PPFIA1: variants seen among roughly 807,000 people sequenced by gnomAD.
PPFIA1 encodes PPFI scaffold protein A1, also known as liprin-alpha-1.
In PPFIA1, 25 loss-of-function variants were observed where a neutral mutation model predicts 149.9. The observed-to-expected ratio is 0.17, with a 90% CI of 0.12 to 0.23. The LOEUF (loss-of-function observed/expected upper bound fraction) is 0.23. Among genes scored for constraint, PPFIA1 ranks in the 10% least tolerant of loss-of-function variants. PPFIA1 has a pLI of 1.00. For missense variants in PPFIA1, 1,362 were observed against 1,506.5 expected, an observed-to-expected ratio of 0.90 and a Z score of 1.59; for synonymous variants, 549 against 552.8, an observed-to-expected ratio of 0.99 and a Z score of 0.10.
chr11:70,307,320 C>A (rs1394510158), intron 2 of PPFIA1, among the ~76,000 whole-genome samples: 3 of 152,184 alleles, frequency 2.0e-5, no homozygotes, highest in Non-Finnish European at 2.9e-5. Context: ...GGAACATAAA[C>A]CTCATCAGTA....
Position 70,339,136 on chromosome 11 carries a change from T to A in PPFIA1, c.1572-35T>A, listed in dbSNP as rs748244742. Reference sequence around the variant, plus strand: ...TAAAAGAGAGTTTATTTTCTTTTCTTCTAATAATGATCATTCTTATTTTTC... The same window carrying A: ...TAAAAGAGAGTTTATTTTCTTTTCTACTAATAATGATCATTCTTATTTTTC... On this transcript the variant is annotated intron_variant, in intron 13 of 27. Transcript: ENST00000253925. The A allele has an allele frequency of 1.9e-6, 3 of 1,609,974 alleles. No homozygotes were observed. In the Admixed American group the frequency reaches 5.1e-5, roughly 27 times the overall value.
In PPFIA1 at chr11:70,362,014, G is replaced by T. The variant is rs566817656; in HGVS notation, c.2583-81G>T. The T allele has an allele frequency of 1.0e-4, 133 of 1,316,524 alleles. No individual in the cohort carries two copies. The South Asian group carries it at 1.6e-3, about 15-fold the overall frequency. 81.6% of individuals were successfully genotyped at this position (1,316,524 alleles called of 1,614,324 possible). ...GGGCTCAAGTGGTCCTCCTGCCTTGGCCTCCCAGAGAGCTGGGATTACAGG... is the reference window on the plus strand; with the variant it reads ...GGGCTCAAGTGGTCCTCCTGCCTTGTCCTCCCAGAGAGCTGGGATTACAGG... On this transcript the variant is annotated intron_variant, in intron 19 of 27. Coordinates refer to ENST00000253925, the MANE Select transcript of PPFIA1 (RefSeq NM_003626.5).
chr11:70,351,074 A>C, intron 16 of PPFIA1: 3 of 999,836 alleles, frequency 3.0e-6, no homozygotes, highest in South Asian at 1.7e-5. Flanking sequence ...AATGTATTGA[A>C]GAGTACCTAT....
At position 70,272,317 on chromosome 11, in the gene PPFIA1, C is replaced by A; in HGVS notation, c.145C>A (p.Arg49Ser). The A allele has an allele frequency of 6.2e-7, 1 of 1,614,166 alleles. No homozygotes were observed. Among genetic ancestry groups the A allele is most frequent in the South Asian group, 1.1e-5 (1 of 91,084 alleles). Residue 49 changes from arginine to serine, a missense_variant, in exon 2 of 28, where the codon CGC becomes AGC. Arg to Ser is a moderately radical substitution (Grantham distance 110). Around this residue, in one of 7 missense-constraint regions of PPFIA1, gnomAD observed 100 missense variants for 106.2 expected, o/e 0.94. Transcript: ENST00000253925. ...LMVSMLEERDRLLDTLRETQE... is the reference protein window; with the variant it reads ...LMVSMLEERDSLLDTLRETQE... ...GGTCTCCATGCTAGAAGAAAGGGAC[C>A]GCCTTCTTGATACACTGAGAGAGAC...
chr11:70,371,407 A>C (rs796184809), intron 21 of PPFIA1: 3 of 84,514 alleles, frequency 3.5e-5, no homozygotes, highest in African/African-American at 1.3e-4. Flanking sequence ...GGATTGTTCT[A>C]TATTCTGTTG....
intron 2 of PPFIA1, among the ~76,000 whole-genome samples, chr11:70,273,853 C>G (rs775649622): frequency 1.3e-5 from 2 of 152,102 alleles, no homozygotes; most frequent in African/African-American, 4.8e-5. Flanking sequence ...TTAAGGTACA[C>G]GTATTGAAGT....
intron 19 of PPFIA1, among the ~76,000 whole-genome samples, chr11:70,357,691 A>C (rs1165005918): frequency 5.3e-5 from 8 of 150,748 alleles, no homozygotes. Context: ...GGTTCACACC[A>C]TTCTCCTGCC....
rs1242294332 is a variant in PPFIA1, at chr11:70,287,715, C to T, written c.264+15279C>T. Among the ~76,000 whole-genome samples the T allele has an allele frequency of 2.0e-5, 3 of 151,864 alleles. No homozygotes were observed. The East Asian group carries it at 5.8e-4, about 30-fold the overall frequency. On this transcript the variant is annotated intron_variant, in intron 2 of 27. Coordinates refer to ENST00000253925, the MANE Select transcript of PPFIA1 (RefSeq NM_003626.5). ...CTGGAGCGCAGTGACACAATCACAG[C>T]TCACCGTATTCTCAGCCTCCCTAGC...
intron 13 of PPFIA1, among the ~76,000 whole-genome samples, 160 bp from the exon 14 acceptor site, chr11:70,339,011 A>G (rs192848971): frequency 1.3e-5 from 2 of 152,244 alleles, no homozygotes; most frequent in African/African-American, 4.8e-5. Flanking sequence ...GGCCTGGAGC[A>G]GGCAACATGT....
At chr11:70,330,736 C>T (rs989354002) in intron 8 of PPFIA1, among the ~76,000 whole-genome samples, 3 of 152,074 alleles carry the variant, frequency 2.0e-5, no homozygotes, top group African/African-American at 4.8e-5. Context: ...GTGGGAAGAT[C>T]GCTTGAGCCC....
intron 2 of PPFIA1, among the ~76,000 whole-genome samples, chr11:70,305,399 A>AAGGTCTCACTCTGGCCAAGCTGG (rs2052780567): frequency 6.6e-6 from 1 of 151,880 alleles, no homozygotes; most frequent in South Asian, 2.1e-4. Context: ...TTTTTGAGAC[A>AAGGTCTCACTCTGGCCAAGCTGG]AGGTCTCACT....
intron 2 of PPFIA1, among the ~76,000 whole-genome samples, chr11:70,291,986 T>G (rs551606207): frequency 2.0e-4 from 31 of 151,998 alleles, no homozygotes; most frequent in Non-Finnish European, 3.5e-4. Context: ...TACAGGTGCG[T>G]GCCACCACAC....
At chr11:70,306,988 C>G (rs2052897293) in intron 2 of PPFIA1, among the ~76,000 whole-genome samples, 1 of 152,160 alleles carries the variant, frequency 6.6e-6, no homozygotes, top group Admixed American at 6.5e-5. Context: ...GATGGCCAGA[C>G]ATGCACCCAG....
intron 21 of PPFIA1, among the ~76,000 whole-genome samples, chr11:70,369,869 T>C (rs2057137920): frequency 6.6e-6 from 1 of 152,112 alleles, no homozygotes; most frequent in African/African-American, 2.4e-5. Context: ...ACACCTGGAC[T>C]CAAGCCATCC....
intron 2 of PPFIA1, among the ~76,000 whole-genome samples, chr11:70,287,785 G>A (rs1324663304): frequency 1.3e-5 from 2 of 151,724 alleles, no homozygotes; most frequent in East Asian, 1.9e-4. Flanking sequence ...CTGGGACCAC[G>A]TGCATGTACC....
intron 2 of PPFIA1, among the ~76,000 whole-genome samples, chr11:70,280,307 G>A (rs546803807): frequency 6.6e-6 from 1 of 151,632 alleles, no homozygotes; most frequent in Non-Finnish European, 1.5e-5. Flanking sequence ...AGTGGCTCAC[G>A]CCTGTAATCC....
At chr11:70,319,255 A>T (rs1324061566) in intron 2 of PPFIA1, among the ~76,000 whole-genome samples, 1 of 152,220 alleles carries the variant, frequency 6.6e-6, no homozygotes, top group Non-Finnish European at 1.5e-5. Flanking sequence ...GAACAGGTCC[A>T]GAGTCCCTGC....
At chr11:70,376,443 A>T in intron 24 of PPFIA1, 89 bp from the exon 25 acceptor site, 1 of 1,301,062 alleles carries the variant, frequency 7.7e-7, no homozygotes, top group Non-Finnish European at 1.1e-6. Context: ...GAGGGAGTTT[A>T]AGTCTTGGTT....
chr11:70,304,222 G>A (rs1468954712), intron 2 of PPFIA1, among the ~76,000 whole-genome samples: 5 of 152,262 alleles, frequency 3.3e-5, no homozygotes, highest in Admixed American at 2.6e-4. Flanking sequence ...ACATGTAGCA[G>A]TTTCTGGAGG....
Sources: allele counts gnomAD v4.1 joint callset (sites outside exome capture counted in the v4.1 genomes callset), GRCh38; gene constraint gnomAD v4.1.1; regional missense constraint gnomAD v4.1.1; transcripts MANE v1.5; gene names NCBI Gene and HGNC (gene_info 2026-07-23, HGNC 2026-07-21).